Variants in MPDZ observed in about 807,000 individuals in gnomAD.
MPDZ encodes multiple PDZ domain crumbs cell polarity complex component, also known as multiple PDZ domain protein.
Under a neutral mutation model 239.1 loss-of-function variants are expected in MPDZ, and 234 were observed. The observed-to-expected ratio is 0.98, with a 90% CI of 0.88 to 1.09. MPDZ has a LOEUF of 1.09. Among genes scored for constraint, MPDZ ranks in the 50% least tolerant of loss-of-function variants. The pLI is 0.00. For missense variants in MPDZ, 3,175 were observed against 2,510.0 expected, an observed-to-expected ratio of 1.26 and a Z score of -5.66; for synonymous variants, 1,048 against 881.3, an observed-to-expected ratio of 1.19 and a Z score of -3.35.
intron 3 of MPDZ, among the ~76,000 whole-genome samples, chr9:13,228,375 T>C (rs1196931200): frequency 1.3e-5 from 2 of 152,070 alleles, no homozygotes; most frequent in Non-Finnish European, 2.9e-5. Context: ...AAATTCTATG[T>C]GAAAGGGCAA....
intron 1 of MPDZ, among the ~76,000 whole-genome samples, chr9:13,275,047 T>C (rs1477936396): frequency 2.0e-5 from 3 of 152,206 alleles, no homozygotes; most frequent in Non-Finnish European, 4.4e-5. Flanking sequence ...TGTCCTCAAA[T>C]AGCAGCTTCC....
chr9:13,198,733 C>CTGTGTGTGTGTGTGTGTGTGTGTG (rs746268904), intron 12 of MPDZ, among the ~76,000 whole-genome samples: 3 of 89,414 alleles, frequency 3.4e-5, no homozygotes, highest in African/African-American at 8.5e-5. Context: ...TTTAATCTCT[C>CTGTGTGTGTGTGTGTGTGTGTGTG]TCTCTGTGTG....
chr9:13,186,490 G>A (rs1954125440), intron 17 of MPDZ, 104 bp from the exon 18 acceptor site: 1 of 741,436 alleles, frequency 1.3e-6, no homozygotes, highest in Admixed American at 2.3e-5. Flanking sequence ...GGCGAGAAGA[G>A]AAAGAAATTG....
chr9:13,203,988 T>G (rs1956707743), intron 12 of MPDZ, among the ~76,000 whole-genome samples: 1 of 152,176 alleles, frequency 6.6e-6, no homozygotes, highest in South Asian at 2.1e-4. Context: ...GGCAGAATGT[T>G]ATTAGTACAA....
chr9:13,147,305 T>G (rs1040894198), intron 26 of MPDZ, among the ~76,000 whole-genome samples: 1 of 152,052 alleles, frequency 6.6e-6, no homozygotes, highest in African/African-American at 2.4e-5. Context: ...TCTAGATACC[T>G]AGAGATACTG....
chr9:13,276,780 G>A (rs532870979), intron 1 of MPDZ: 3 of 152,296 alleles, frequency 2.0e-5, no homozygotes, highest in African/African-American at 7.2e-5. Context: ...ACCTGAGAGA[G>A]ACAAGACTAT....
chr9:13,248,956 G>A (rs979946348), intron 2 of MPDZ, among the ~76,000 whole-genome samples: 2 of 103,112 alleles, frequency 1.9e-5, no homozygotes, highest in African/African-American at 7.0e-5. Flanking sequence ...CTGGGCGACA[G>A]AGTGAGTGAG....
intron 19 of MPDZ, among the ~76,000 whole-genome samples, chr9:13,180,278 G>A (rs866396364): frequency 6.6e-6 from 1 of 152,248 alleles, no homozygotes; most frequent in South Asian, 2.1e-4. Context: ...CATTAAATCC[G>A]TTAGTTGAGT....
At chr9:13,133,581 C>T (rs1946319440) in intron 32 of MPDZ, among the ~76,000 whole-genome samples, 1 of 152,164 alleles carries the variant, frequency 6.6e-6, no homozygotes. Context: ...AGTATCAGCA[C>T]AGTCATTTTC....
intron 1 of MPDZ, among the ~76,000 whole-genome samples, chr9:13,262,497 T>C (rs1258045365): frequency 6.6e-6 from 1 of 151,950 alleles, no homozygotes; most frequent in Non-Finnish European, 1.5e-5. Context: ...CATAGGAGGA[T>C]AGAAATGTTC....
intron 46 of MPDZ, among the ~76,000 whole-genome samples, chr9:13,107,735 T>C (rs1941725134): frequency 6.6e-6 from 1 of 152,140 alleles, no homozygotes; most frequent in Non-Finnish European, 1.5e-5. Context: ...CCCTAAATGA[T>C]TAAGATTAAA....
At chr9:13,205,810 T>C (rs1253468905) in intron 11 of MPDZ, 106 bp downstream of exon 11, 4 of 1,051,778 alleles carry the variant, frequency 3.8e-6, no homozygotes, top group Non-Finnish European at 4.0e-6. Flanking sequence ...TAAAAAGCAT[T>C]CTGAATAATT....
intron 1 of MPDZ, among the ~76,000 whole-genome samples, chr9:13,259,315 C>T (rs1378434633): frequency 6.6e-6 from 1 of 151,812 alleles, no homozygotes; most frequent in Non-Finnish European, 1.5e-5. Context: ...GCCTGGGCAA[C>T]AGAGCAAGAG....
chr9:13,186,408 C>T, intron 17 of MPDZ, 22 bp from the exon 18 acceptor site: 2 of 1,470,524 alleles, frequency 1.4e-6, no homozygotes, highest in Non-Finnish European at 1.9e-6. Flanking sequence ...AAATGGTATT[C>T]ATGGAAAAGA....
chr9:13,242,215 CTTTTTTTTTTTTTTTTT>C (rs145555644), intron 3 of MPDZ, among the ~76,000 whole-genome samples: 1 of 50,754 alleles, frequency 2.0e-5, no homozygotes, highest in Non-Finnish European at 3.3e-5. Flanking sequence ...TGTTAGGATG[CTTTTTTTTTTTTTTTTT>C]TTTTTTTTTT....
intron 3 of MPDZ, among the ~76,000 whole-genome samples, chr9:13,228,509 A>G (rs181839112): frequency 2.0e-5 from 3 of 152,118 alleles, no homozygotes; most frequent in Admixed American, 2.0e-4. Context: ...CAAAGAAAAA[A>G]TATGTACCTT....
chr9:13,195,754 C>A (rs1021800123), intron 13 of MPDZ, among the ~76,000 whole-genome samples: 6 of 152,096 alleles, frequency 3.9e-5, no homozygotes, highest in African/African-American at 1.4e-4. Flanking sequence ...GTTCATAAGT[C>A]ATGATAAATT....
intron 3 of MPDZ, among the ~76,000 whole-genome samples, chr9:13,242,726 T>C (rs1038993159): frequency 6.6e-6 from 1 of 152,164 alleles, no homozygotes; most frequent in Admixed American, 6.5e-5. Flanking sequence ...ACCCCTCATA[T>C]AATCTACTGC....
Position 13,183,434 on chromosome 9 carries a change from G to A in MPDZ, c.2633C>T (p.Pro878Leu), listed in dbSNP as rs1196191068. ...GDGLNYGSSL[P>L]SSPPKDVIEN... ...CCTTTGTACCTTAGGAGGAGATGAT[G>A]GAAGGGAAGAACCATAGTTCAGGCC... The change falls in exon 19 of 47, where the codon CCA becomes CTA. Residue 878 changes from proline to leucine, a missense_variant. Transcript: ENST00000319217. The A allele has an allele frequency of 6.2e-7, 1 of 1,606,688 alleles. No individual in the cohort carries two copies. The highest frequency in any genetic ancestry group is 1.3e-5 in the African/African-American group (1 of 74,402).
Sources: allele counts gnomAD v4.1 joint callset (sites outside exome capture counted in the v4.1 genomes callset), GRCh38; gene constraint gnomAD v4.1.1; transcripts MANE v1.5; gene names NCBI Gene and HGNC (gene_info 2026-07-23, HGNC 2026-07-21).